The following NDST4 variants were observed in gnomAD, a reference collection of about 807,000 sequenced individuals.
The protein encoded by NDST4 is N-heparan sulfate sulfotransferase 4.
NDST4 carries 63 observed loss-of-function variants against 100.8 expected under a neutral mutation model. The ratio of observed to expected loss-of-function variants is 0.62; its 90% CI spans 0.51 to 0.77. The LOEUF is 0.77. NDST4 is among the 30% of genes least tolerant of loss of function. NDST4 has a pLI of 0.00. For missense variants in NDST4, 943 were observed against 1,018.4 expected (o/e 0.93, Z 1.01); for synonymous variants, 377 against 361.8 (o/e 1.04, Z -0.48).
At chr4:115,050,256 A>G (rs1331701738) in intron 2 of NDST4, among the ~76,000 whole-genome samples, 1 of 152,166 alleles carries the variant, frequency 6.6e-6, no homozygotes, top group Non-Finnish European at 1.5e-5. Flanking sequence ...ATCCTCAAAC[A>G]TGTCAATATT....
At chr4:115,082,764 T>C (rs1391089671) in intron 1 of NDST4, among the ~76,000 whole-genome samples, 5 of 148,568 alleles carry the variant, frequency 3.4e-5, no homozygotes, top group Non-Finnish European at 6.0e-5. Flanking sequence ...TTTATGATAC[T>C]AGGATTCTAC....
chr4:115,038,050 C>T (rs992611932), intron 2 of NDST4, among the ~76,000 whole-genome samples: 2 of 152,154 alleles, frequency 1.3e-5, no homozygotes, highest in African/African-American at 4.8e-5. Flanking sequence ...GGAGAATACA[C>T]TGTGCATTTT....
intron 2 of NDST4, among the ~76,000 whole-genome samples, chr4:115,002,837 A>G (rs184804225): frequency 8.5e-5 from 13 of 152,306 alleles, no homozygotes. Context: ...CCAAATGCCC[A>G]TAATTAATAG....
intron 2 of NDST4, among the ~76,000 whole-genome samples, chr4:115,045,999 A>C (rs1290510785): frequency 6.6e-6 from 1 of 152,088 alleles, no homozygotes; most frequent in Non-Finnish European, 1.5e-5. Context: ...CAATTGTGGA[A>C]GTTTTTTCTG....
At chr4:115,099,933 A>T (rs1729696376) in intron 1 of NDST4, among the ~76,000 whole-genome samples, 1 of 152,182 alleles carries the variant, frequency 6.6e-6, no homozygotes. Context: ...AAAGTGAATG[A>T]ATAAATAAGC....
chr4:115,072,896 T>C (rs1248811298), intron 2 of NDST4, among the ~76,000 whole-genome samples: 1 of 151,828 alleles, frequency 6.6e-6, no homozygotes, highest in African/African-American at 2.4e-5. Flanking sequence ...AGACAACATA[T>C]GAAATGGGAG....
At chr4:114,929,228 C>G (rs1276494181) in intron 6 of NDST4, among the ~76,000 whole-genome samples, 1 of 151,860 alleles carries the variant, frequency 6.6e-6, no homozygotes, top group South Asian at 2.1e-4. Flanking sequence ...ATAACTTCCG[C>G]CTATGCAAGC....
chr4:115,034,969 C>A (rs1054712555), intron 2 of NDST4, among the ~76,000 whole-genome samples: 1 of 152,066 alleles, frequency 6.6e-6, no homozygotes, highest in Admixed American at 6.6e-5. Context: ...GCCTTACAAC[C>A]TGAAAGCTCA....
chr4:115,077,248 T>A lies in NDST4; in HGVS notation c.-212A>T, dbSNP rs747065783. On this transcript the variant is annotated 5_prime_UTR_variant, in exon 2 of 14. Transcript: ENST00000264363. The stretch of plus-strand genomic sequence containing the variant: ...TTGAGGAGATTTTGAATATGTCCAA[T>A]ACTGAGAATTGCTGCAGAATCCTCT... 7.3e-6 allele frequency: 3 copies of A among 409,146 alleles called. No individual in the cohort carries two copies. Among genetic ancestry groups the A allele is most frequent in the Non-Finnish European group, 1.3e-5 (3 of 228,982 alleles). 25.3% of individuals were successfully genotyped at this position (409,146 alleles called of 1,614,324 possible). A position where few individuals can be genotyped will look rare whatever the true frequency, so the allele number is the denominator to read the frequency against.
intron 2 of NDST4, among the ~76,000 whole-genome samples, chr4:115,035,479 T>C (rs1728213741): frequency 6.6e-6 from 1 of 151,770 alleles, no homozygotes; most frequent in Non-Finnish European, 1.5e-5. Flanking sequence ...ATGGCAGAGG[T>C]TTTACAGACA....
chr4:114,859,511 A>T (rs1372298), intron 7 of NDST4, among the ~76,000 whole-genome samples: 34,198 of 152,068 alleles, frequency 0.22, 5,191 homozygotes, highest in African/African-American at 0.43. Context: ...GTGTGGTGGA[A>T]GCTCTTTTCT....
chr4:114,985,905 G>T (rs142803875), intron 2 of NDST4, among the ~76,000 whole-genome samples: 38 of 152,226 alleles, frequency 2.5e-4, no homozygotes, highest in Non-Finnish European at 5.0e-4. Flanking sequence ...TGGGGAGTCT[G>T]CTCCAAACAA....
At chr4:115,109,885 C>T (rs1729910408) in intron 1 of NDST4, among the ~76,000 whole-genome samples, 3 of 151,734 alleles carry the variant, frequency 2.0e-5, no homozygotes, top group Non-Finnish European at 4.4e-5. Flanking sequence ...CAAACTATAA[C>T]AATGCAAAGA....
chr4:115,046,068 G>A (rs950251469), intron 2 of NDST4, among the ~76,000 whole-genome samples: 2 of 152,072 alleles, frequency 1.3e-5, no homozygotes, highest in Non-Finnish European at 2.9e-5. Context: ...GGCCAAACAG[G>A]AGCGTTATTG....
chr4:114,862,576 C>G (rs1048154499), intron 7 of NDST4, among the ~76,000 whole-genome samples: 1 of 152,046 alleles, frequency 6.6e-6, no homozygotes, highest in Non-Finnish European at 1.5e-5. Flanking sequence ...TATTTGTGAG[C>G]TCGTTCTTGG....
At chr4:115,075,904 T>C (rs1307951209) in intron 2 of NDST4, among the ~76,000 whole-genome samples, 155 bp downstream of exon 2, 1 of 151,778 alleles carries the variant, frequency 6.6e-6, no homozygotes, top group East Asian at 1.9e-4. Flanking sequence ...TAAAGAATGG[T>C]TAAGTCTTGG....
intron 2 of NDST4, among the ~76,000 whole-genome samples, chr4:115,022,759 C>T (rs2126266019): frequency 6.6e-6 from 1 of 152,142 alleles, no homozygotes; most frequent in East Asian, 1.9e-4. Context: ...CTTTCCTGTG[C>T]TGGTCTCATG....
At chr4:115,037,767 T>G (rs558587663) in intron 2 of NDST4, among the ~76,000 whole-genome samples, 1 of 152,250 alleles carries the variant, frequency 6.6e-6, no homozygotes, top group East Asian at 1.9e-4. Context: ...TCCATGTCAG[T>G]CATAGTCAGC....
intron 2 of NDST4, among the ~76,000 whole-genome samples, chr4:115,063,810 G>T (rs73848374): frequency 1.3e-5 from 2 of 151,572 alleles, no homozygotes; most frequent in African/African-American, 4.8e-5. Flanking sequence ...CTCAGACTTT[G>T]CTAGCTTCTT....
Sources: gnomAD v4.1 joint callset for allele counts (sites outside exome capture counted in the v4.1 genomes callset) on GRCh38, gnomAD v4.1.1 for gene constraint, MANE v1.5 for transcripts, NCBI Gene and HGNC (gene_info 2026-07-23, HGNC 2026-07-21) for gene names.